Variants in PTPRE observed in about 807,000 individuals in gnomAD.
PTPRE encodes the protein protein tyrosine phosphatase receptor type E.
PTPRE carries 51 observed loss-of-function variants against 102.0 expected under a neutral mutation model. That is an observed-to-expected ratio of 0.50 (90% CI 0.40 to 0.63). The LOEUF (loss-of-function observed/expected upper bound fraction) is 0.63, where lower values mean the gene tolerates loss of function less well. PTPRE is among the 30% of genes least tolerant of loss of function. The pLI, the probability that PTPRE is intolerant of heterozygous loss-of-function variation, is 0.00. For missense variants in PTPRE, 752 were observed against 915.1 expected (o/e 0.82, Z 2.30); for synonymous variants, 345 against 348.2 (o/e 0.99, Z 0.10).
chr10:128,062,042 G>T (rs1849644079), intron 9 of PTPRE, among the ~76,000 whole-genome samples: 1 of 152,220 alleles, frequency 6.6e-6, no homozygotes, highest in Non-Finnish European at 1.5e-5. Context: ...AGGGGTTAGT[G>T]GGGTGAATAG....
At chr10:128,043,759 T>G (rs1847893249) in intron 3 of PTPRE, among the ~76,000 whole-genome samples, 1 of 152,208 alleles carries the variant, frequency 6.6e-6, no homozygotes, top group Non-Finnish European at 1.5e-5. Flanking sequence ...CATCCTATTT[T>G]GGTCTATCCA....
At chr10:127,928,873 C>T (rs1053413668) in intron 1 of PTPRE, among the ~76,000 whole-genome samples, 2 of 152,198 alleles carry the variant, frequency 1.3e-5, no homozygotes, top group Admixed American at 6.5e-5. Context: ...ATGTCAGACA[C>T]GAAGGCCATG....
chr10:127,991,409 G>A (rs1852643269), intron 2 of PTPRE, among the ~76,000 whole-genome samples: 1 of 152,064 alleles, frequency 6.6e-6, no homozygotes, highest in African/African-American at 2.4e-5. Context: ...AATTCTTTCT[G>A]ATACCAGCTG....
chr10:127,911,656 G>A (rs1442453349), intron 1 of PTPRE, among the ~76,000 whole-genome samples: 1 of 152,184 alleles, frequency 6.6e-6, no homozygotes, highest in Admixed American at 6.5e-5. Context: ...CACTGGGCAG[G>A]AAGGGCTGCT....
At chr10:127,982,044 C>T (rs1425091471) in intron 1 of PTPRE, among the ~76,000 whole-genome samples, 1 of 152,098 alleles carries the variant, frequency 6.6e-6, no homozygotes, top group Non-Finnish European at 1.5e-5. Context: ...CACACCCCAC[C>T]ATCAACTGAT....
At chr10:128,036,856 G>T (rs1847260873) in intron 2 of PTPRE, among the ~76,000 whole-genome samples, 1 of 152,166 alleles carries the variant, frequency 6.6e-6, no homozygotes. Context: ...GGTCTGGGAT[G>T]GTCCTGAGAC....
intron 1 of PTPRE, among the ~76,000 whole-genome samples, chr10:127,910,823 C>A (rs1267144117): frequency 6.6e-6 from 1 of 152,188 alleles, no homozygotes; most frequent in African/African-American, 2.4e-5. Flanking sequence ...ATGGTTCACA[C>A]CTGTAATCCC....
chr10:128,070,244 G>T lies in PTPRE; in HGVS notation c.1144-57G>T. 1 of 1,527,402 alleles carries T rather than the reference G, an allele frequency of 6.5e-7. No homozygotes were observed. The highest frequency in any genetic ancestry group is 8.8e-7 in the Non-Finnish European group (1 of 1,136,184). The allele number at this position is 1,527,402 out of a possible 1,614,324, so 94.6% of individuals were successfully genotyped here. ...CCCTCTTTGGTCTGCCAAGCTCCAC[G>T]TGGGCCAAGACTGCAGGGCAGAGTT... On this transcript the variant is annotated intron_variant, in intron 13 of 20. Coordinates refer to ENST00000254667, the MANE Select transcript of PTPRE (RefSeq NM_006504.6). This position sits in a 1 kb window ranked among gnomAD's most constrained non-coding sequence, Gnocchi z 4.8.
At chr10:128,024,919 G>T (rs993115493) in intron 2 of PTPRE, among the ~76,000 whole-genome samples, 5 of 152,084 alleles carry the variant, frequency 3.3e-5, no homozygotes, top group Non-Finnish European at 5.9e-5. Flanking sequence ...ACTTTGGGAG[G>T]CCAAGACAGG....
At chr10:127,971,549 G>T (rs143817133) in intron 1 of PTPRE, among the ~76,000 whole-genome samples, 7 of 152,206 alleles carry the variant, frequency 4.6e-5, no homozygotes, top group Admixed American at 4.6e-4. Context: ...TGCTGTCCTC[G>T]CAGGTACTAG....
chr10:127,933,407 A>G (rs948638195), intron 1 of PTPRE, among the ~76,000 whole-genome samples: 1 of 152,226 alleles, frequency 6.6e-6, no homozygotes, highest in African/African-American at 2.4e-5. Context: ...CGTGGACTAC[A>G]TTATACATAT....
intron 2 of PTPRE, among the ~76,000 whole-genome samples, chr10:128,015,640 A>T (rs1467148830): frequency 2.6e-5 from 4 of 152,180 alleles, no homozygotes; most frequent in Non-Finnish European, 4.4e-5. Context: ...TGCTGGGATT[A>T]CGTGAGCTAC....
chr10:128,004,395 C>T (rs1162007434), intron 2 of PTPRE, among the ~76,000 whole-genome samples: 1 of 152,106 alleles, frequency 6.6e-6, no homozygotes, highest in Non-Finnish European at 1.5e-5. Context: ...GAAACCTGAA[C>T]CCACTAAGCA....
At chr10:127,964,806 C>T in intron 1 of PTPRE, 1 of 282,238 alleles carries the variant, frequency 3.5e-6, no homozygotes. Context: ...CCAGTGAATG[C>T]CATGAACAGT....
chr10:127,992,842 G>A (rs1458319117), intron 2 of PTPRE, among the ~76,000 whole-genome samples: 1 of 152,206 alleles, frequency 6.6e-6, no homozygotes, highest in Non-Finnish European at 1.5e-5. Context: ...AGAAAGCCAG[G>A]TGCGTGCCCA....
chr10:128,078,864 A>T (rs1283497896), intron 19 of PTPRE, among the ~76,000 whole-genome samples: 1 of 152,052 alleles, frequency 6.6e-6, no homozygotes, highest in Non-Finnish European at 1.5e-5. Context: ...CCCACATGTG[A>T]GATTATGGAG....
In PTPRE at chr10:128,070,388, C is replaced by G. The variant is rs1341446552; in HGVS notation, c.1231C>G (p.Leu411Val). 2 of 1,614,172 alleles carry G rather than the reference C, an allele frequency of 1.2e-6. No individual in the cohort carries two copies. Among genetic ancestry groups the G allele is most frequent in the Admixed American group, 3.3e-5 (2 of 60,024 alleles). The change falls in exon 14 of 21, where the codon CTG becomes GTG. Residue 411 changes from leucine to valine, a missense_variant. Leu to Val is a conservative substitution (Grantham distance 32). Coordinates refer to ENST00000254667, the MANE Select transcript of PTPRE (RefSeq NM_006504.6). The surrounding 1 kb of genome is among the most constrained non-coding windows in gnomAD (Gnocchi z 4.8). ...GGACGTGTCCTCCCTGGAGAAGCAC[C>G]TGCAGACCATGCACGGCACCACCAC... ...ELDVSSLEKH[L>V]QTMHGTTTHF...
chr10:128,076,171 C>T lies in PTPRE; in HGVS notation c.1600-432C>T, dbSNP rs983382143. Among the ~76,000 whole-genome samples the T allele has an allele frequency of 7.2e-5, 11 of 152,268 alleles. No homozygotes were observed. The South Asian group carries it at 2.1e-3, about 29-fold the overall frequency. On this transcript the variant is annotated intron_variant, in intron 17 of 20. Coordinates refer to ENST00000254667, the MANE Select transcript of PTPRE (RefSeq NM_006504.6). ...AAGAGTTTCACAGTTTTGTTTTTTA[C>T]CTTAAACCTTACTCCATCTGGGTGT...
At chr10:127,973,834 C>A (rs915092613) in intron 1 of PTPRE, among the ~76,000 whole-genome samples, 1 of 152,188 alleles carries the variant, frequency 6.6e-6, no homozygotes, top group Admixed American at 6.5e-5. Context: ...GCCAAGCCCA[C>A]GGTCACGCTT....
Sources: gnomAD v4.1 joint callset for allele counts (sites outside exome capture counted in the v4.1 genomes callset) on GRCh38, gnomAD v4.1.1 for gene constraint, Gnocchi (gnomAD v3.1) non-coding constraint, MANE v1.5 for transcripts, NCBI Gene and HGNC (gene_info 2026-07-23, HGNC 2026-07-21) for gene names.